PTPRD: variants seen among roughly 807,000 people sequenced by gnomAD.
PTPRD encodes receptor-type tyrosine-protein phosphatase delta.
Under a neutral mutation model 214.5 loss-of-function variants are expected in PTPRD, and 34 were observed. That is an observed-to-expected ratio of 0.16 (90% CI 0.12 to 0.21). PTPRD has a LOEUF of 0.21. Among genes scored for constraint, PTPRD ranks in the 10% least tolerant of loss-of-function variants. PTPRD has a pLI of 1.00. For synonymous variants in PTPRD, 1,128 were observed against 845.7 expected, an observed-to-expected ratio of 1.33 and a Z score of -5.79; for missense variants, 2,545 against 2,398.7, an observed-to-expected ratio of 1.06 and a Z score of -1.27.
At chr9:10,503,199 A>AAAAAC (rs1555437112) in intron 2 of PTPRD, among the ~76,000 whole-genome samples, 1 of 132,066 alleles carries the variant, frequency 7.6e-6, no homozygotes, top group African/African-American at 3.3e-5. Flanking sequence ...AATACAAAAA[A>AAAAAC]AAAAAAAACA....
intron 11 of PTPRD, among the ~76,000 whole-genome samples, chr9:8,865,902 T>C (rs1208081999): frequency 6.6e-6 from 1 of 152,176 alleles, no homozygotes; most frequent in Non-Finnish European, 1.5e-5. Flanking sequence ...GATTCGTAGT[T>C]CCACGGAACT....
chr9:10,428,665 C>T (rs1042272272), intron 2 of PTPRD, among the ~76,000 whole-genome samples: 1 of 151,982 alleles, frequency 6.6e-6, no homozygotes, highest in Non-Finnish European at 1.5e-5. Context: ...TATAAAGAAT[C>T]AAAATTACTC....
rs141652834 is a variant in PTPRD at position 9,424,509 on chromosome 9, C to T, written c.-236-27027G>A. On this transcript the variant is annotated intron_variant, in intron 8 of 45. Transcript: ENST00000381196. ...TGACATGTAGAAGAAAATGCTGTTG[C>T]TTGTACAATCTCTCAGGTTTTTGAG... is the stretch of plus-strand genomic sequence containing the variant. 1.7e-3 allele frequency among the ~76,000 whole-genome samples: 265 copies of T among 152,198 alleles called. 1 individual carries two copies. Among genetic ancestry groups the T allele is most frequent in the South Asian group, 3.7e-3 (18 of 4,816 alleles).
intron 10 of PTPRD, among the ~76,000 whole-genome samples, chr9:9,117,616 G>A (rs2099813649): frequency 6.6e-6 from 1 of 152,052 alleles, no homozygotes; most frequent in African/African-American, 2.4e-5. Flanking sequence ...GAGCCATGCA[G>A]CAACCTCATT....
intron 33 of PTPRD, chr9:8,460,189 A>C (rs998054658): frequency 1.4e-5 from 8 of 589,618 alleles, no homozygotes; most frequent in Middle Eastern, 4.7e-4. Context: ...GAATAGATGC[A>C]TGTTGGACAA....
chr9:8,526,022 C>T lies in PTPRD; in HGVS notation c.568+605G>A, dbSNP rs533157954. Among the ~76,000 whole-genome samples the T allele has an allele frequency of 9.2e-5, 14 of 151,826 alleles. No individual in the cohort carries two copies. The South Asian group carries it at 2.1e-3, about 23-fold the overall frequency. On this transcript the variant is annotated intron_variant, in intron 17 of 45. Coordinates refer to ENST00000381196, the MANE Select transcript of PTPRD (RefSeq NM_002839.4). ...AAAAGCATTGCTGTCAGATTGTAGA[C>T]GAGTGGGATCAGGTGGAAAGGGGAG... is the stretch of plus-strand genomic sequence containing the variant.
At chr9:10,051,395 C>T (rs888706390) in intron 3 of PTPRD, among the ~76,000 whole-genome samples, 3 of 152,036 alleles carry the variant, frequency 2.0e-5, no homozygotes, top group Admixed American at 6.6e-5. Context: ...TAGTCATCTC[C>T]AGTTTTTTCC....
chr9:9,281,982 T>A (rs1947866772), intron 9 of PTPRD, among the ~76,000 whole-genome samples: 1 of 151,332 alleles, frequency 6.6e-6, no homozygotes, highest in Non-Finnish European at 1.5e-5. Context: ...TAAATGCATA[T>A]TACTAAGTGA....
intron 9 of PTPRD, among the ~76,000 whole-genome samples, chr9:9,319,531 A>G (rs1595718526): frequency 6.6e-6 from 1 of 152,200 alleles, no homozygotes; most frequent in Admixed American, 6.5e-5. Context: ...TTTAAATGTT[A>G]TACAATCGGC....
At chr9:10,573,488 G>A (rs116524138) in intron 2 of PTPRD, among the ~76,000 whole-genome samples, 51 of 152,266 alleles carry the variant, frequency 3.3e-4, no homozygotes, top group African/African-American at 1.2e-3. Context: ...TTGTATGGAG[G>A]AAGGCAAGAT....
chr9:9,288,588 A>G (rs1950221105), intron 9 of PTPRD, among the ~76,000 whole-genome samples: 1 of 151,958 alleles, frequency 6.6e-6, no homozygotes, highest in Non-Finnish European at 1.5e-5. Flanking sequence ...ATTGTTAATT[A>G]TAATTGAATC....
At chr9:10,004,810 C>T (rs1391265123) in intron 4 of PTPRD, among the ~76,000 whole-genome samples, 2 of 152,102 alleles carry the variant, frequency 1.3e-5, no homozygotes, top group African/African-American at 4.8e-5. Context: ...AATAATGCAA[C>T]TCAACAACTG....
intron 9 of PTPRD, among the ~76,000 whole-genome samples, chr9:9,255,639 A>G (rs1456795795): frequency 6.6e-6 from 1 of 152,066 alleles, no homozygotes; most frequent in African/African-American, 2.4e-5. Flanking sequence ...AGATGCTAAG[A>G]ATTAGGCCAA....
At chr9:10,248,587 T>C (rs778043126) in intron 3 of PTPRD, among the ~76,000 whole-genome samples, 1 of 150,374 alleles carries the variant, frequency 6.7e-6, no homozygotes, top group African/African-American at 2.5e-5. Flanking sequence ...ATTTGGAGAT[T>C]GTAGGTTAAG....
chr9:9,372,168 T>G (rs1275261028), intron 9 of PTPRD, among the ~76,000 whole-genome samples: 1 of 152,098 alleles, frequency 6.6e-6, no homozygotes, highest in Admixed American at 6.6e-5. Context: ...TGGGTATCCT[T>G]GTTAACTTTC....
chr9:9,460,715 T>C (rs1360289034), intron 8 of PTPRD, among the ~76,000 whole-genome samples: 1 of 152,134 alleles, frequency 6.6e-6, no homozygotes, highest in African/African-American at 2.4e-5. Flanking sequence ...ACTTATACAC[T>C]GTTGGTGGGA....
At chr9:10,056,057 T>G (rs2097639456) in intron 3 of PTPRD, among the ~76,000 whole-genome samples, 1 of 151,638 alleles carries the variant, frequency 6.6e-6, no homozygotes, top group African/African-American at 2.4e-5. Flanking sequence ...GCGCAGTGGC[T>G]CACACCTGTA....
chr9:8,632,904 C>T (rs2096296531), intron 14 of PTPRD, among the ~76,000 whole-genome samples: 1 of 151,916 alleles, frequency 6.6e-6, no homozygotes, highest in Admixed American at 6.6e-5. Context: ...CATCTTTAGG[C>T]TAAGGTTCTT....
chr9:9,144,604 T>A (rs977673825), intron 10 of PTPRD, among the ~76,000 whole-genome samples: 7 of 151,728 alleles, frequency 4.6e-5, no homozygotes, highest in African/African-American at 1.7e-4. Context: ...ATAGAAAAAA[T>A]TAGCTGGGTG....
Sources: gnomAD v4.1 joint callset for allele counts (sites outside exome capture counted in the v4.1 genomes callset) on GRCh38, gnomAD v4.1.1 for gene constraint, MANE v1.5 for transcripts, NCBI Gene and HGNC (gene_info 2026-07-23, HGNC 2026-07-21) for gene names.